Variants in CCM2 observed in about 807,000 individuals in gnomAD.
CCM2 encodes cerebral cavernous malformations 2 protein.
CCM2 carries 25 observed loss-of-function variants against 44.9 expected under a neutral mutation model. The ratio of observed to expected loss-of-function variants is 0.56; its 90% confidence interval spans 0.41 to 0.78. The LOEUF (loss-of-function observed/expected upper bound fraction) is 0.78. Among genes scored for constraint, CCM2 ranks in the 30% least tolerant of loss-of-function variants. CCM2 has a pLI of 0.00. For synonymous variants in CCM2, 219 were observed against 241.1 expected, an observed-to-expected ratio of 0.91 and a Z score of 0.85; for missense variants, 481 against 580.6, an observed-to-expected ratio of 0.83 and a Z score of 1.76.
At chr7:45,025,013 T>A (rs1260219180) in intron 1 of CCM2, among the ~76,000 whole-genome samples, 1 of 152,228 alleles carries the variant, frequency 6.6e-6, no homozygotes, top group Non-Finnish European at 1.5e-5. Context: ...ACCCAGCTTC[T>A]GTGGCCTTTA....
intron 1 of CCM2, among the ~76,000 whole-genome samples, chr7:45,008,602 T>C (rs537433920): frequency 6.6e-6 from 1 of 151,086 alleles, no homozygotes; most frequent in South Asian, 2.1e-4. Flanking sequence ...CCTCAGGTGA[T>C]CCACCTACCT....
intron 2 of CCM2, among the ~76,000 whole-genome samples, chr7:45,062,074 G>A (rs528670212): frequency 6.6e-6 from 1 of 152,174 alleles, no homozygotes; most frequent in Non-Finnish European, 1.5e-5. Context: ...CATCTTTGGG[G>A]TTATTGTTTT....
In CCM2 at chr7:45,073,444, C is replaced by T; in HGVS notation, c.804-16C>T. ...GTCGGGGAAGCCACCCGCTCACATACCACATTCTTTCGCAGCTGCTTCCCT... is the reference window on the plus strand; with the variant it reads ...GTCGGGGAAGCCACCCGCTCACATATCACATTCTTTCGCAGCTGCTTCCCT... On this transcript the variant is annotated splice_polypyrimidine_tract_variant and intron_variant, in intron 7 of 9. Transcript: ENST00000258781. 6.2e-7 allele frequency: 1 copy of T among 1,601,338 alleles called. No individual in the cohort carries two copies. Among genetic ancestry groups the T allele is most frequent in the Middle Eastern group, 1.7e-4 (1 of 6,034 alleles).
chr7:45,019,484 A>T (rs142848988), intron 1 of CCM2, among the ~76,000 whole-genome samples: 5 of 152,154 alleles, frequency 3.3e-5, no homozygotes, highest in African/African-American at 1.2e-4. Flanking sequence ...TGGGGTTTCA[A>T]ATGGATAGTC....
intron 1 of CCM2, among the ~76,000 whole-genome samples, chr7:45,033,255 G>A (rs1797053597): frequency 6.6e-6 from 1 of 152,158 alleles, no homozygotes; most frequent in Non-Finnish European, 1.5e-5. Context: ...GGACGGGGGA[G>A]CGCCAGAGTC....
rs749998555 is a variant in CCM2 at position 45,068,524 on chromosome 7, G to T, written c.554G>T (p.Ser185Ile). The change falls in exon 5 of 10, where the codon AGT becomes ATT. Residue 185 changes from serine to isoleucine, a missense_variant. Coordinates refer to ENST00000258781, the MANE Select transcript of CCM2 (RefSeq NM_031443.4). ...RGLSAGSLSE[S>I]AVGPVEACCL... ...CTCAGTGCAGGCTCCCTGTCGGAGA[G>T]TGCAGTTGGGCCCGTGGAGGCATGC... is the stretch of plus-strand genomic sequence containing the variant. The T allele has an allele frequency of 6.2e-7, 1 of 1,614,168 alleles. No homozygotes were observed. Among genetic ancestry groups the T allele is most frequent in the Non-Finnish European group, 8.5e-7 (1 of 1,180,028 alleles).
At chr7:45,075,000 G>C (rs866382930) in intron 9 of CCM2, among the ~76,000 whole-genome samples, 14 of 152,348 alleles carry the variant, frequency 9.2e-5, no homozygotes, top group African/African-American at 2.9e-4. Context: ...CCAGTTGAAG[G>C]CTTCTGGGTC....
intron 4 of CCM2, chr7:45,068,169 A>G: frequency 2.0e-6 from 1 of 505,630 alleles, no homozygotes; most frequent in African/African-American, 1.9e-5. Flanking sequence ...TCAGGGTTGT[A>G]TATGTGGTCT....
intron 1 of CCM2, among the ~76,000 whole-genome samples, chr7:45,015,208 C>T (rs1348523051): frequency 6.6e-6 from 1 of 152,142 alleles, no homozygotes; most frequent in Non-Finnish European, 1.5e-5. Flanking sequence ...ACCTCTAATT[C>T]CAGTCCATGA....
rs1164582014 is a variant in CCM2, at chr7:45,075,993, T to C, written c.1271T>C (p.Met424Thr). The C allele has an allele frequency of 6.2e-7, 1 of 1,612,942 alleles. No individual in the cohort carries two copies. Among genetic ancestry groups the C allele is most frequent in the East Asian group, 2.2e-5 (1 of 44,892 alleles). ...TCAGAGGGGGATGAGTGGGACCGCA[T>C]GATCTCGGACATCAGCAGCGACATT... Reference protein sequence around the residue: ...APSEGDEWDRMISDISSDIEA... With the variant: ...APSEGDEWDRTISDISSDIEA... The change falls in exon 10 of 10, where the codon ATG (methionine) becomes ACG (threonine). Residue 424 changes from methionine (M) to threonine (T), a missense_variant. Met to Thr is a moderately conservative substitution (Grantham distance 81). Coordinates refer to ENST00000258781, the MANE Select transcript of CCM2 (RefSeq NM_031443.4).
In CCM2 at chr7:45,040,427, G is replaced by T. The variant is rs182303607; in HGVS notation, c.204+2001G>T. 5.9e-4 allele frequency among the ~76,000 whole-genome samples: 89 copies of T among 151,858 alleles called. 1 individual carries two copies. Among genetic ancestry groups the T allele is most frequent in the African/African-American group, 2.1e-3 (86 of 41,414 alleles). ...CCAGAAAGAATATTCAAAAAACAAA[G>T]AAGGTTAATAAACAAAAGATGAGAA... On this transcript the variant is annotated intron_variant, in intron 2 of 9. Coordinates refer to ENST00000258781, the MANE Select transcript of CCM2 (RefSeq NM_031443.4).
intron 1 of CCM2, among the ~76,000 whole-genome samples, chr7:45,035,260 G>A (rs1009592459): frequency 6.6e-6 from 1 of 152,046 alleles, no homozygotes; most frequent in Non-Finnish European, 1.5e-5. Flanking sequence ...GCAGGAAGCA[G>A]AAAATATATT....
intron 1 of CCM2, among the ~76,000 whole-genome samples, chr7:45,037,953 A>G (rs1405391879): frequency 6.6e-6 from 1 of 152,160 alleles, no homozygotes; most frequent in Non-Finnish European, 1.5e-5. Context: ...TCCCCCTTCT[A>G]TCATTGTCTT....
At chr7:45,000,459 G>GGT (rs1554353553) in intron 1 of CCM2, 96 bp downstream of exon 1, 26 of 316,428 alleles carry the variant, frequency 8.2e-5, no homozygotes, top group African/African-American at 1.2e-4. Flanking sequence ...GGGCCCGGGG[G>GGT]GGGGGGCAGT....
rs368976298 is a variant in CCM2 at position 45,038,463 on chromosome 7, C to T, written c.204+37C>T. 57 of 1,605,648 alleles carry T rather than the reference C, an allele frequency of 3.5e-5. No homozygotes were observed. The highest frequency in any genetic ancestry group is 4.3e-5 in the Non-Finnish European group (50 of 1,173,720). The stretch of plus-strand genomic sequence containing the variant: ...TGGGCCACAGGACGTGCCTGCCAAA[C>T]GACAGTGACGGTCATGCTTGTATCC... On this transcript the variant is annotated intron_variant, in intron 2 of 9. Coordinates refer to ENST00000258781, the MANE Select transcript of CCM2 (RefSeq NM_031443.4).
At chr7:45,011,199 AT>A (rs35848506) in intron 1 of CCM2, among the ~76,000 whole-genome samples, 1,784 of 145,828 alleles carry the variant, frequency 0.012, 25 homozygotes, top group African/African-American at 0.038. Flanking sequence ...GCCCAGCTAA[AT>A]TTTTTTTTTT....
At chr7:45,058,910 T>TG (rs1289035139) in intron 2 of CCM2, among the ~76,000 whole-genome samples, 1 of 151,516 alleles carries the variant, frequency 6.6e-6, no homozygotes, top group African/African-American at 2.4e-5. Flanking sequence ...ATTTTTTTTT[T>TG]TTTTTTGTAT....
At position 45,015,655 on chromosome 7, in the gene CCM2, A is replaced by T. The variant is rs550105154; in HGVS notation, c.30+15292A>T. On this transcript the variant is annotated intron_variant, in intron 1 of 9. Coordinates refer to ENST00000258781, the MANE Select transcript of CCM2 (RefSeq NM_031443.4). ...TGCATGTTGAGGCAGAGTTGGTCCC[A>T]GACATGCCTTCTCTAATCCTATGGC... Among the ~76,000 whole-genome samples, 16 of 152,346 alleles carry T rather than the reference A, an allele frequency of 1.1e-4. No homozygotes were observed. The South Asian group carries it at 3.1e-3, about 30-fold the overall frequency.
intron 1 of CCM2, among the ~76,000 whole-genome samples, chr7:45,009,070 G>A (rs1795962211): frequency 6.6e-6 from 1 of 152,106 alleles, no homozygotes; most frequent in Admixed American, 6.6e-5. Flanking sequence ...AGAAGGCCAA[G>A]GCAGGCAGAT....
Sources: allele counts gnomAD v4.1 joint callset (sites outside exome capture counted in the v4.1 genomes callset), GRCh38; gene constraint gnomAD v4.1.1; transcripts MANE v1.5; gene names NCBI Gene and HGNC (gene_info 2026-07-23, HGNC 2026-07-21).